The following GRIK4 variants were observed in gnomAD, a reference collection of about 807,000 sequenced individuals.
GRIK4 encodes glutamate ionotropic receptor kainate type subunit 4.
Under a neutral mutation model 104.9 loss-of-function variants are expected in GRIK4, and 40 were observed. That is an observed-to-expected ratio of 0.38 (90% CI 0.30 to 0.50). The LOEUF (loss-of-function observed/expected upper bound fraction) is 0.50. GRIK4 is among the 20% of genes least tolerant of loss of function. The pLI is 0.93. For missense variants in GRIK4, 1,047 were observed against 1,308.1 expected (o/e 0.80, Z 3.08); for synonymous variants, 485 against 524.9 (o/e 0.92, Z 1.04).
At chr11:120,827,238 C>A (rs1475622232) in intron 6 of GRIK4, among the ~76,000 whole-genome samples, 1 of 152,206 alleles carries the variant, frequency 6.6e-6, no homozygotes, top group Non-Finnish European at 1.5e-5. Flanking sequence ...TGTCCTGCGG[C>A]TGTGTCCACC....
At chr11:120,518,438 G>A (rs2508651) in intron 1 of GRIK4, among the ~76,000 whole-genome samples, 5,170 of 152,206 alleles carry the variant, frequency 0.034, 170 homozygotes, top group African/African-American at 0.082. Flanking sequence ...GATTTGGGAG[G>A]CAGCAAAGCT....
chr11:120,963,034 T>G, intron 18 of GRIK4: 1 of 171,574 alleles, frequency 5.8e-6, no homozygotes, highest in Non-Finnish European at 1.2e-5. Flanking sequence ...CCTTGGCCAT[T>G]TCTCTGTTGA....
intron 3 of GRIK4, among the ~76,000 whole-genome samples, chr11:120,660,625 T>C (rs936826648): frequency 6.6e-6 from 1 of 152,174 alleles, no homozygotes; most frequent in Admixed American, 6.5e-5. Context: ...AGAATAAAGA[T>C]GCTGATAACT....
chr11:120,667,556 G>A (rs1425397138), intron 3 of GRIK4, among the ~76,000 whole-genome samples: 4 of 152,250 alleles, frequency 2.6e-5, no homozygotes, highest in Admixed American at 2.6e-4. Flanking sequence ...TCATTAGTCT[G>A]GATAAACAGG....
chr11:120,740,232 T>C (rs961193886), intron 3 of GRIK4, among the ~76,000 whole-genome samples: 5 of 152,234 alleles, frequency 3.3e-5, no homozygotes, highest in Non-Finnish European at 5.9e-5. Context: ...ACAACTGTTA[T>C]ACCTGAGCAT....
Position 120,898,597 on chromosome 11 carries a change from G to T in GRIK4, c.1230G>T (p.Ser410=), listed in dbSNP as rs370126518. 1.2e-5 allele frequency: 20 copies of T among 1,612,644 alleles called. No homozygotes were observed. In the African/African-American group the frequency reaches 2.4e-4, roughly 19 times the overall value. Residue 410 remains serine, a synonymous_variant, in exon 12 of 21, where the codon TCG becomes TCT. Coordinates refer to ENST00000527524, the MANE Select transcript of GRIK4 (RefSeq NM_014619.5). ...MDSHLYASNI[S]DTLFNTTLVV... ...GCCACCTCTATGCCTCCAACATCTC[G>T]GACACTCTCTTCAACACCACCCTGG... is the stretch of plus-strand genomic sequence containing the variant.
chr11:120,961,093 C>T lies in GRIK4; in HGVS notation c.2040+19C>T. 1 of 1,609,232 alleles carries T rather than the reference C, an allele frequency of 6.2e-7. No homozygotes were observed. ...CTTCCAAGTAAACCCCATTTGGTTG[C>T]TCACCAGCATCGGGAATTGGGCAGA... is the stretch of plus-strand genomic sequence containing the variant. On this transcript the variant is annotated intron_variant, in intron 17 of 20. Transcript: ENST00000527524.
chr11:120,871,987 C>A, intron 9 of GRIK4: 1 of 448,676 alleles, frequency 2.2e-6, no homozygotes, highest in Non-Finnish European at 4.5e-6. Context: ...TGTAGCAAAA[C>A]TGGGTAGGAA....
rs1474886619 is a variant in GRIK4, at chr11:120,903,596, G to A, written c.1273-1694G>A. 6.6e-6 allele frequency among the ~76,000 whole-genome samples: 1 copy of A among 151,908 alleles called. No homozygotes were observed. The highest frequency in any genetic ancestry group is 1.5e-5 in the Non-Finnish European group (1 of 67,990). ...GACTGTCCCATCCTAAAACACCATC[G>A]CCTTCACCTTTCCTACACCCTGCTG... On this transcript the variant is annotated intron_variant, in intron 12 of 20. Coordinates refer to ENST00000527524, the MANE Select transcript of GRIK4 (RefSeq NM_014619.5). The surrounding 1 kb of genome is among the most constrained non-coding windows in gnomAD (Gnocchi z 4.4).
chr11:120,769,595 C>T (rs1286360395), intron 3 of GRIK4, among the ~76,000 whole-genome samples: 1 of 152,182 alleles, frequency 6.6e-6, no homozygotes, highest in Non-Finnish European at 1.5e-5. Flanking sequence ...CAAACAAAGA[C>T]ATGCACACAC....
intron 19 of GRIK4, among the ~76,000 whole-genome samples, chr11:120,981,657 T>A (rs1314624289): frequency 1.3e-5 from 2 of 152,236 alleles, no homozygotes; most frequent in Non-Finnish European, 2.9e-5. Flanking sequence ...ACTTTTTCTA[T>A]CCATGGTTTG....
intron 1 of GRIK4, among the ~76,000 whole-genome samples, chr11:120,528,429 A>C (rs1489918808): frequency 1.3e-5 from 2 of 152,114 alleles, no homozygotes; most frequent in African/African-American, 4.8e-5. Flanking sequence ...TTTTTATATT[A>C]AGTCTGTCTG....
At chr11:120,644,725 G>C (rs938646606) in intron 1 of GRIK4, among the ~76,000 whole-genome samples, 2 of 152,112 alleles carry the variant, frequency 1.3e-5, no homozygotes, top group Admixed American at 1.3e-4. Flanking sequence ...GAAGGCGAAG[G>C]GGTTGCCCTT....
chr11:120,661,593 G>A (rs922438660), intron 3 of GRIK4, among the ~76,000 whole-genome samples: 29 of 152,322 alleles, frequency 1.9e-4, no homozygotes, highest in African/African-American at 6.3e-4. Context: ...CATTCAGGTC[G>A]GTGTGCTGGT....
At chr11:120,515,371 C>A (rs2136068752) in intron 1 of GRIK4, among the ~76,000 whole-genome samples, 1 of 152,326 alleles carries the variant, frequency 6.6e-6, no homozygotes, top group South Asian at 2.1e-4. Flanking sequence ...GGACTCTGAG[C>A]CTCACTGGCC....
intron 3 of GRIK4, among the ~76,000 whole-genome samples, chr11:120,681,846 C>G (rs1307540935): frequency 6.6e-6 from 1 of 152,204 alleles, no homozygotes; most frequent in Non-Finnish European, 1.5e-5. Context: ...CGAGGGTCCC[C>G]CTTGACAGCA....
At chr11:120,697,472 G>T (rs765920011) in intron 3 of GRIK4, among the ~76,000 whole-genome samples, 11 of 152,134 alleles carry the variant, frequency 7.2e-5, no homozygotes, top group Non-Finnish European at 1.6e-4. Context: ...AAAATTAGCT[G>T]GGTACGGTGG....
At chr11:120,799,512 A>C (rs1952585169) in intron 3 of GRIK4, among the ~76,000 whole-genome samples, 1 of 152,230 alleles carries the variant, frequency 6.6e-6, no homozygotes, top group Admixed American at 6.5e-5. Context: ...AAGAAGGAAG[A>C]CAAGCTTGGT....
At chr11:120,721,014 AT>A (rs1320712189) in intron 3 of GRIK4, among the ~76,000 whole-genome samples, 2 of 151,088 alleles carry the variant, frequency 1.3e-5, no homozygotes, top group African/African-American at 4.9e-5. Context: ...TTCATTCATC[AT>A]TCATTCACCT....
Sources: gnomAD v4.1 joint callset for allele counts (sites outside exome capture counted in the v4.1 genomes callset) on GRCh38, gnomAD v4.1.1 for gene constraint, Gnocchi (gnomAD v3.1) non-coding constraint, MANE v1.5 for transcripts, NCBI Gene and HGNC (gene_info 2026-07-23, HGNC 2026-07-21) for gene names.